The following SCN11A variants were observed in gnomAD, a reference collection of about 807,000 sequenced individuals.
SCN11A encodes sodium channel protein type 11 subunit alpha.
SCN11A carries 122 observed loss-of-function variants against 162.2 expected under a neutral mutation model. The observed-to-expected ratio is 0.75, with a 90% CI of 0.65 to 0.87. SCN11A has a LOEUF of 0.87. SCN11A is among the 40% of genes least tolerant of loss of function. The pLI is 0.00. For missense variants in SCN11A, 2,015 were observed against 2,181.6 expected, an observed-to-expected ratio of 0.92 and a Z score of 1.52; for synonymous variants, 758 against 751.5, an observed-to-expected ratio of 1.01 and a Z score of -0.14.
chr3:38,872,182 GC>G lies in SCN11A; in HGVS notation c.3495+10del. 1.3e-6 allele frequency: 2 copies of G among 1,495,976 alleles called. No individual in the cohort carries two copies. The highest frequency in any genetic ancestry group is 1.9e-6 in the Non-Finnish European group (2 of 1,072,906). 92.7% of individuals were successfully genotyped at this position (1,495,976 alleles called of 1,614,324 possible). ...TAACTGAACTTCTACCCATTCTTCT[GC>G]AGAATGTACCTTCATTCCTTCAAAC... On this transcript the variant is annotated intron_variant, in intron 24 of 29. Transcript: ENST00000302328.
chr3:38,951,531 G>A (rs1219869895), intron 4 of SCN11A, among the ~76,000 whole-genome samples: 1 of 152,268 alleles, frequency 6.6e-6, no homozygotes, highest in Non-Finnish European at 1.5e-5. Context: ...GGGCTGAGGA[G>A]TGCGAGCGCA....
chr3:38,866,259 C>T (rs1191445450), intron 27 of SCN11A, among the ~76,000 whole-genome samples: 1 of 151,054 alleles, frequency 6.6e-6, no homozygotes, highest in Non-Finnish European at 1.5e-5. Flanking sequence ...CGCTCTGTTG[C>T]CCAGGCTGGA....
intron 9 of SCN11A, among the ~76,000 whole-genome samples, chr3:38,924,359 TCAC>T (rs1215903663): frequency 1.3e-5 from 2 of 151,422 alleles, no homozygotes; most frequent in African/African-American, 4.9e-5. Context: ...TTAAAGGTAC[TCAC>T]CACCACATCT....
intron 1 of SCN11A, among the ~76,000 whole-genome samples, chr3:39,037,342 G>T (rs917113281): frequency 1.3e-5 from 2 of 152,086 alleles, no homozygotes; most frequent in Non-Finnish European, 2.9e-5. Context: ...TAGTGGTGGG[G>T]GTCAGGGAAG....
Position 38,846,200 on chromosome 3 carries a change from G to A in SCN11A, c.*494C>T, listed in dbSNP as rs149191640. 1,376 of 155,840 alleles carry A rather than the reference G, an allele frequency of 8.8e-3. 28 individuals are homozygous for A. The highest frequency in any genetic ancestry group is 0.031 in the African/African-American group (1,305 of 41,580). The allele number at this position is 155,840 out of a possible 1,614,324, so 9.7% of individuals were successfully genotyped here. A position where few individuals can be genotyped will look rare whatever the true frequency, so the allele number is the denominator to read the frequency against. On this transcript the variant is annotated 3_prime_UTR_variant, in exon 30 of 30. Coordinates refer to ENST00000302328, the MANE Select transcript of SCN11A (RefSeq NM_001349253.2). ...ACGATCTTGGCTCACTGCAACCTCC[G>A]TCTCCCAGGTTTAAGCGATTCTCCT...
chr3:39,009,664 CT>C (rs2031073602), intron 2 of SCN11A, among the ~76,000 whole-genome samples: 1 of 146,004 alleles, frequency 6.8e-6, no homozygotes, highest in African/African-American at 2.6e-5. Flanking sequence ...TGTGTACAGT[CT>C]TTTAAAAATA....
At chr3:39,029,329 G>A (rs1407811297) in intron 2 of SCN11A, among the ~76,000 whole-genome samples, 1 of 152,098 alleles carries the variant, frequency 6.6e-6, no homozygotes, top group African/African-American at 2.4e-5. Context: ...GATTATAAAT[G>A]AAGTTAAATA....
intron 28 of SCN11A, among the ~76,000 whole-genome samples, chr3:38,854,552 T>C (rs771344529): frequency 7.9e-5 from 12 of 152,218 alleles, no homozygotes; most frequent in Non-Finnish European, 1.2e-4. Context: ...TGTGGACTTT[T>C]GCTTCAAGAA....
Position 38,894,727 on chromosome 3 carries a change from T to A in SCN11A, c.2641A>T (p.Ile881Phe). The change falls in exon 19 of 30, where the codon ATT (isoleucine) becomes TTT (phenylalanine). Residue 881 changes from isoleucine (I) to phenylalanine (F), a missense_variant. Physicochemically the swap from Ile to Phe is conservative, Grantham distance 21 (BLOSUM62 0). Coordinates refer to ENST00000302328, the MANE Select transcript of SCN11A (RefSeq NM_001349253.2). The part of the protein sequence containing the change: ...GGCAAQSKDI[I>F]PLVMEMKRGS... ...CTTTTCATCTCCATGACCAGGGGAA[T>A]GATGTCTTTGCTTTGTGCAGCACAG... 1.2e-6 allele frequency: 2 copies of A among 1,614,198 alleles called. No individual in the cohort carries two copies. Among genetic ancestry groups the A allele is most frequent in the Non-Finnish European group, 1.7e-6 (2 of 1,180,012 alleles).
At chr3:39,001,600 T>A (rs2030811740) in intron 2 of SCN11A, among the ~76,000 whole-genome samples, 1 of 152,222 alleles carries the variant, frequency 6.6e-6, no homozygotes, top group Non-Finnish European at 1.5e-5. Flanking sequence ...TACTTCTTAC[T>A]TTTACGTCTT....
Position 38,926,932 on chromosome 3 carries a change from C to T in SCN11A, c.489-1G>A, listed in dbSNP as rs759208866. 1.2e-6 allele frequency: 2 copies of T among 1,610,474 alleles called. No homozygotes were observed. The highest frequency in any genetic ancestry group is 1.1e-5 in the South Asian group (1 of 90,420). On this transcript the variant is annotated splice_acceptor_variant, in intron 7 of 29. Coordinates refer to ENST00000302328, the MANE Select transcript of SCN11A (RefSeq NM_001349253.2). LOFTEE classifies it high-confidence loss of function. ...AATATAAATCCCAGTGAAGACACAC[C>T]TAAAAAGCAAATCATTTACAACAGG...
chr3:38,888,505 T>C (rs925067104), intron 19 of SCN11A, among the ~76,000 whole-genome samples: 1 of 152,210 alleles, frequency 6.6e-6, no homozygotes, highest in Non-Finnish European at 1.5e-5. Context: ...AGGAGGTGAA[T>C]TCACTTGAGA....
intron 7 of SCN11A, among the ~76,000 whole-genome samples, chr3:38,941,395 T>C (rs2066440770): frequency 6.6e-6 from 1 of 152,054 alleles, no homozygotes; most frequent in African/African-American, 2.4e-5. Context: ...AACCACAAGA[T>C]ATATTAAAGG....
intron 10 of SCN11A, among the ~76,000 whole-genome samples, 183 bp downstream of exon 10, chr3:38,920,893 G>A (rs1346618334): frequency 6.6e-6 from 1 of 152,094 alleles, no homozygotes; most frequent in African/African-American, 2.4e-5. Context: ...CTTCTCCATA[G>A]GAAGCCAAAG....
At chr3:38,971,051 G>A (rs1398875538) in intron 2 of SCN11A, among the ~76,000 whole-genome samples, 1 of 152,160 alleles carries the variant, frequency 6.6e-6, no homozygotes, top group Non-Finnish European at 1.5e-5. Context: ...TGTTGCCGTG[G>A]CTCAAATCCA....
At chr3:38,884,417 C>T (rs2065360654) in intron 21 of SCN11A, among the ~76,000 whole-genome samples, 1 of 152,214 alleles carries the variant, frequency 6.6e-6, no homozygotes, top group Non-Finnish European at 1.5e-5. Flanking sequence ...AGTTTGAAAC[C>T]TGTTATTTGT....
At chr3:38,903,484 T>C (rs1487291613) in intron 16 of SCN11A, among the ~76,000 whole-genome samples, 3 of 152,296 alleles carry the variant, frequency 2.0e-5, no homozygotes, top group Non-Finnish European at 4.4e-5. Context: ...CTAGTAATAG[T>C]AGTCACATTA....
intron 17 of SCN11A, among the ~76,000 whole-genome samples, chr3:38,898,066 C>T (rs1333743703): frequency 1.3e-5 from 2 of 151,746 alleles, no homozygotes; most frequent in African/African-American, 4.8e-5. Flanking sequence ...GTGAAACCCC[C>T]ATCTCTACAA....
chr3:38,881,481 G>A (rs750132870), intron 22 of SCN11A, among the ~76,000 whole-genome samples: 2 of 152,134 alleles, frequency 1.3e-5, no homozygotes, highest in Non-Finnish European at 2.9e-5. Flanking sequence ...GGATGAGCAC[G>A]CTTATACCTG....
Sources: gnomAD v4.1 joint callset for allele counts (sites outside exome capture counted in the v4.1 genomes callset) on GRCh38, gnomAD v4.1.1 for gene constraint, MANE v1.5 for transcripts, NCBI Gene and HGNC (gene_info 2026-07-23, HGNC 2026-07-21) for gene names.